Variants in PCDH15 observed in about 807,000 individuals in gnomAD.
The protein encoded by PCDH15 is protocadherin-15.
Under a neutral mutation model 178.5 loss-of-function variants are expected in PCDH15, and 129 were observed. The ratio of observed to expected loss-of-function variants is 0.72; its 90% confidence interval spans 0.63 to 0.84. The LOEUF (loss-of-function observed/expected upper bound fraction) is 0.84, where lower values mean the gene tolerates loss of function less well. Among genes scored for constraint, PCDH15 ranks in the 40% least tolerant of loss-of-function variants. The pLI, the probability that PCDH15 is intolerant of heterozygous loss-of-function variation, is 0.00. For synonymous variants in PCDH15, 800 were observed against 732.0 expected (o/e 1.09, Z -1.50); for missense variants, 2,230 against 2,099.9 (o/e 1.06, Z -1.21).
chr10:54,731,573 C>T (rs11004513), intron 1 of PCDH15, among the ~76,000 whole-genome samples: 833 of 39,024 alleles, frequency 0.021, 22 homozygotes, highest in Non-Finnish European at 0.035. Flanking sequence ...TACACACACA[C>T]ACACACACAC....
intron 8 of PCDH15, among the ~76,000 whole-genome samples, chr10:54,242,227 A>C: frequency 7.1e-6 from 1 of 140,366 alleles, no homozygotes; most frequent in Admixed American, 7.2e-5. Flanking sequence ...ATCATTAATA[A>C]AAATATATTA....
chr10:55,514,249 A>C (rs1200800149), intron 2 of PCDH15, among the ~76,000 whole-genome samples: 1 of 152,200 alleles, frequency 6.6e-6, no homozygotes, highest in Non-Finnish European at 1.5e-5. Context: ...ATCAAATTAC[A>C]AGATTGAAGC....
At chr10:54,020,832 T>C (rs2092899679) in intron 19 of PCDH15, among the ~76,000 whole-genome samples, 1 of 152,040 alleles carries the variant, frequency 6.6e-6, no homozygotes, top group African/African-American at 2.4e-5. Flanking sequence ...GAACAAATAT[T>C]TTAAATAAAA....
chr10:53,944,817 G>T (rs2086388594), intron 23 of PCDH15, among the ~76,000 whole-genome samples: 1 of 152,202 alleles, frequency 6.6e-6, no homozygotes, highest in South Asian at 2.1e-4. Context: ...CATGGGAGAG[G>T]CTAGTGGTTT....
intron 4 of PCDH15, among the ~76,000 whole-genome samples, chr10:54,378,086 C>A (rs1021776535): frequency 4.6e-5 from 7 of 151,792 alleles, no homozygotes; most frequent in Non-Finnish European, 5.9e-5. Flanking sequence ...ACCATGCCTG[C>A]CTAGTTTTTC....
At chr10:54,758,374 G>A (rs1250967108) in intron 1 of PCDH15, among the ~76,000 whole-genome samples, 1 of 152,138 alleles carries the variant, frequency 6.6e-6, no homozygotes, top group Non-Finnish European at 1.5e-5. Flanking sequence ...AAGATCATGA[G>A]TGTAAATAAG....
At chr10:55,295,405 A>T (rs1000687280) in intron 1 of PCDH15, among the ~76,000 whole-genome samples, 2 of 152,242 alleles carry the variant, frequency 1.3e-5, no homozygotes, top group Non-Finnish European at 2.9e-5. Context: ...GCTCAGGCCA[A>T]GGATTTCTTT....
chr10:54,396,673 T>C (rs1041251469), intron 3 of PCDH15, among the ~76,000 whole-genome samples: 11 of 152,158 alleles, frequency 7.2e-5, no homozygotes, highest in African/African-American at 2.7e-4. Context: ...AAAGGGCCAC[T>C]TTTTAATTCT....
intron 1 of PCDH15, among the ~76,000 whole-genome samples, chr10:55,176,367 C>A (rs1839486768): frequency 6.6e-6 from 1 of 152,096 alleles, no homozygotes; most frequent in African/African-American, 2.4e-5. Flanking sequence ...CTTATGGTTC[C>A]AGGGTATACT....
At chr10:55,374,537 AG>A (rs1398541242) in intron 2 of PCDH15, among the ~76,000 whole-genome samples, 1 of 152,156 alleles carries the variant, frequency 6.6e-6, no homozygotes, top group Non-Finnish European at 1.5e-5. Flanking sequence ...CAAGTAGAAT[AG>A]CTTCCCATGA....
intron 1 of PCDH15, among the ~76,000 whole-genome samples, chr10:55,186,560 T>G (rs1839804559): frequency 6.6e-6 from 1 of 151,792 alleles, no homozygotes; most frequent in Non-Finnish European, 1.5e-5. Context: ...AATAGACAAC[T>G]AATATGAGAC....
At chr10:55,309,303 G>A (rs911307630) in intron 1 of PCDH15, among the ~76,000 whole-genome samples, 1 of 152,072 alleles carries the variant, frequency 6.6e-6, no homozygotes, top group African/African-American at 2.4e-5. Flanking sequence ...ATCGCTGGAA[G>A]CCAGGAGTTC....
intron 8 of PCDH15, among the ~76,000 whole-genome samples, chr10:54,316,746 T>G (rs1355618525): frequency 6.6e-6 from 1 of 152,152 alleles, no homozygotes; most frequent in African/African-American, 2.4e-5. Context: ...AATACAGGAT[T>G]AAGTGTAGAA....
intron 2 of PCDH15, among the ~76,000 whole-genome samples, chr10:55,090,561 G>A (rs370321691): frequency 1.3e-5 from 2 of 151,952 alleles, no homozygotes; most frequent in Non-Finnish European, 2.9e-5. Context: ...TAAGCGGTAG[G>A]AGACTAGAAC....
intron 15 of PCDH15, among the ~76,000 whole-genome samples, chr10:54,130,201 T>G (rs992736904): frequency 2.0e-5 from 3 of 152,114 alleles, no homozygotes; most frequent in Non-Finnish European, 2.9e-5. Flanking sequence ...TAGCTCTATA[T>G]TGGGTGGTGT....
chr10:54,009,561 G>C (rs1039214442), intron 20 of PCDH15, among the ~76,000 whole-genome samples: 3 of 152,176 alleles, frequency 2.0e-5, no homozygotes, highest in Non-Finnish European at 1.5e-5. Context: ...ATCTCATTGA[G>C]AAAAGAAAGG....
intron 15 of PCDH15, among the ~76,000 whole-genome samples, chr10:54,123,000 A>G (rs771941016): frequency 7.9e-5 from 12 of 152,156 alleles, no homozygotes; most frequent in African/African-American, 1.4e-4. Flanking sequence ...CCTACCTTTT[A>G]CTACATACAA....
chr10:55,207,960 G>C (rs1419163674), intron 1 of PCDH15, among the ~76,000 whole-genome samples: 1 of 152,008 alleles, frequency 6.6e-6, no homozygotes, highest in African/African-American at 2.4e-5. Context: ...CAGAGTGACA[G>C]TCTATCTCAA....
chr10:53,811,571 C>A lies in PCDH15; in HGVS notation c.4540G>T (p.Asp1514Tyr). The A allele has an allele frequency of 6.4e-7, 1 of 1,573,964 alleles. No individual in the cohort carries two copies. The highest frequency in any genetic ancestry group is 8.6e-7 in the Non-Finnish European group (1 of 1,159,660). Residue 1514 changes from aspartate to tyrosine, a missense_variant, in exon 36 of 38, where the codon GAT becomes TAT. Physicochemically the swap from Asp to Tyr is radical, Grantham distance 160. Transcript: ENST00000644397. ...GIDPGQEYGQ[D>Y]YYSYEHGYEM... ...TACCCATGCTCATAACTGTAATAAT[C>A]TTGTCCATATTCCTGGCCAGGATCA...
Sources: allele counts gnomAD v4.1 joint callset (sites outside exome capture counted in the v4.1 genomes callset), GRCh38; gene constraint gnomAD v4.1.1; transcripts MANE v1.5; gene names NCBI Gene and HGNC (gene_info 2026-07-23, HGNC 2026-07-21).